Variants in XRCC5 observed in about 807,000 individuals in gnomAD.
XRCC5 encodes DNA repair protein Ku80.
XRCC5 carries 12 observed loss-of-function variants against 95.7 expected under a neutral mutation model. The ratio of observed to expected loss-of-function variants is 0.13; its 90% CI spans 0.08 to 0.20. The LOEUF is 0.20. Among genes scored for constraint, XRCC5 ranks in the 10% least tolerant of loss-of-function variants. The probability of loss-of-function intolerance (pLI) is 1.00; values close to 1 mark genes in which losing one functional copy is unlikely to be tolerated. For synonymous variants in XRCC5, 281 were observed against 290.3 expected (o/e 0.97, Z 0.33); for missense variants, 595 against 873.9 (o/e 0.68, Z 4.02).
At chr2:216,176,184 T>G (rs949887069) in intron 16 of XRCC5, among the ~76,000 whole-genome samples, 1 of 152,248 alleles carries the variant, frequency 6.6e-6, no homozygotes, top group South Asian at 2.1e-4. Context: ...AGTGGTGTGA[T>G]CTTGACTCAC....
At chr2:216,152,125 CT>C (rs914364126) in intron 14 of XRCC5, among the ~76,000 whole-genome samples, 17 of 152,150 alleles carry the variant, frequency 1.1e-4, no homozygotes, top group Non-Finnish European at 1.5e-5. Flanking sequence ...CCCTAAACAC[CT>C]GGGGATTACA....
rs55872933 is a variant in XRCC5, at chr2:216,122,349, ACT to A, written c.683+101_683+102del. 1.3e-4 allele frequency: 151 copies of A among 1,159,088 alleles called. No individual in the cohort carries two copies. In the African/African-American group the frequency reaches 1.7e-3, roughly 13 times the overall value. The allele number at this position is 1,159,088 out of a possible 1,614,324, so 71.8% of individuals were successfully genotyped here. The stretch of plus-strand genomic sequence containing the variant: ...CCCAAATGTTTCCTTTTTCTGGGCC[ACT>A]CTCTAATTAGTCATTGCTTAATATT... On this transcript the variant is annotated intron_variant, in intron 6 of 20. Coordinates refer to ENST00000392132, the MANE Select transcript of XRCC5 (RefSeq NM_021141.4).
intron 12 of XRCC5, 127 bp downstream of exon 12, chr2:216,138,306 A>G (rs1451889605): frequency 3.9e-6 from 3 of 763,576 alleles, no homozygotes; most frequent in Non-Finnish European, 6.5e-6. Flanking sequence ...CCAATCATAC[A>G]CTTAGACACA....
At chr2:216,188,973 G>A (rs975571638) in intron 16 of XRCC5, among the ~76,000 whole-genome samples, 16 of 152,116 alleles carry the variant, frequency 1.1e-4, no homozygotes. Flanking sequence ...CGGTTACTGG[G>A]GATATTTTTC....
chr2:216,158,445 G>A (rs1390554980), intron 14 of XRCC5, among the ~76,000 whole-genome samples: 2 of 152,160 alleles, frequency 1.3e-5, no homozygotes, highest in Non-Finnish European at 2.9e-5. Context: ...GTAGTTTAAT[G>A]TTGTTGGCTT....
At chr2:216,195,131 A>C in intron 19 of XRCC5, 145 bp downstream of exon 19, 1 of 707,996 alleles carries the variant, frequency 1.4e-6, no homozygotes, top group Middle Eastern at 3.6e-4. Flanking sequence ...CAACCACAGC[A>C]TCCCCATGGG....
chr2:216,197,684 A>C (rs1027179052), intron 19 of XRCC5, among the ~76,000 whole-genome samples: 1 of 152,200 alleles, frequency 6.6e-6, no homozygotes, highest in Non-Finnish European at 1.5e-5. Flanking sequence ...GAAGTTAGGA[A>C]ATTCAACATA....
intron 5 of XRCC5, among the ~76,000 whole-genome samples, chr2:216,121,427 T>G (rs751041410): frequency 6.6e-6 from 1 of 152,234 alleles, no homozygotes; most frequent in African/African-American, 2.4e-5. Context: ...ATTTGGTGTC[T>G]GCTGAGAGAT....
intron 19 of XRCC5, 114 bp downstream of exon 19, chr2:216,195,100 T>A (rs1466403523): frequency 1.1e-6 from 1 of 933,670 alleles, no homozygotes; most frequent in Non-Finnish European, 1.7e-6. Flanking sequence ...ACTCATTTTG[T>A]ATTCAATATG....
intron 5 of XRCC5, among the ~76,000 whole-genome samples, 183 bp downstream of exon 5, chr2:216,119,348 C>G (rs1055163313): frequency 6.6e-5 from 10 of 152,142 alleles, no homozygotes; most frequent in African/African-American, 1.2e-4. Context: ...AGGAACTGTT[C>G]TGAGTGGTCG....
At chr2:216,116,552 G>T in intron 2 of XRCC5, 107 bp from the exon 3 acceptor site, 2 of 1,235,080 alleles carry the variant, frequency 1.6e-6, no homozygotes, top group East Asian at 5.0e-5. Context: ...ATGGCCCCAG[G>T]GACCTGCCAT....
At chr2:216,146,039 T>C (rs1688623926) in intron 13 of XRCC5, among the ~76,000 whole-genome samples, 1 of 152,216 alleles carries the variant, frequency 6.6e-6, no homozygotes, top group Non-Finnish European at 1.5e-5. Flanking sequence ...TCACAGAGTT[T>C]GGGATCTTTT....
chr2:216,148,713 T>A (rs1189197885), intron 14 of XRCC5, among the ~76,000 whole-genome samples: 3 of 151,994 alleles, frequency 2.0e-5, no homozygotes, highest in Non-Finnish European at 2.9e-5. Flanking sequence ...GGAACAAGAG[T>A]GAAAAACTAT....
rs1688961314 is a variant in XRCC5, at chr2:216,161,975, T to G, written c.1765-4T>G. On this transcript the variant is annotated splice_region_variant and splice_polypyrimidine_tract_variant and intron_variant, in intron 15 of 20. Coordinates refer to ENST00000392132, the MANE Select transcript of XRCC5 (RefSeq NM_021141.4). The stretch of plus-strand genomic sequence containing the variant: ...TAGGTTTATCATCTGTTGGTATATT[T>G]TAGGTTGGAAGTGTGAATCCTGCTG... The G allele has an allele frequency of 7.4e-6, 12 of 1,613,716 alleles. No individual in the cohort carries two copies. The highest frequency in any genetic ancestry group is 1.0e-5 in the Non-Finnish European group (12 of 1,179,732).
intron 16 of XRCC5, among the ~76,000 whole-genome samples, chr2:216,176,829 G>A (rs1689286873): frequency 6.6e-6 from 1 of 152,064 alleles, no homozygotes; most frequent in Non-Finnish European, 1.5e-5. Context: ...TTCTAATATA[G>A]GCATTTAAAG....
intron 2 of XRCC5, among the ~76,000 whole-genome samples, chr2:216,115,422 T>C (rs1297691888): frequency 1.3e-5 from 2 of 152,226 alleles, no homozygotes; most frequent in African/African-American, 2.4e-5. Context: ...AAGATTACCT[T>C]GCCTTAAGAT....
chr2:216,124,009 A>G (rs768998102), intron 6 of XRCC5, among the ~76,000 whole-genome samples: 3 of 152,254 alleles, frequency 2.0e-5, no homozygotes, highest in Non-Finnish European at 4.4e-5. Context: ...CATTAGCTAC[A>G]TGTGGCTATT....
chr2:216,114,391 G>T lies in XRCC5; in HGVS notation c.135+1262G>T, dbSNP rs1427251191. Among the ~76,000 whole-genome samples the T allele has an allele frequency of 3.3e-5, 5 of 152,202 alleles. No individual in the cohort carries two copies. In the South Asian group the frequency reaches 6.2e-4, roughly 19 times the overall value. Reference sequence around the variant, plus strand: ...CTTGATGACCTGGAGTCCTTGAGGTGTTGTGTCAAGGAAGGTGCTCTAACC... The same window carrying T: ...CTTGATGACCTGGAGTCCTTGAGGTTTTGTGTCAAGGAAGGTGCTCTAACC... On this transcript the variant is annotated intron_variant, in intron 2 of 20. Transcript: ENST00000392132.
rs1697162731 is a variant in XRCC5 at position 216,141,096 on chromosome 2, A to G, written c.1343-90A>G. 7 of 1,508,746 alleles carry G rather than the reference A, an allele frequency of 4.6e-6. No homozygotes were observed. In the South Asian group the frequency reaches 6.1e-5, roughly 13 times the overall value. 93.5% of individuals were successfully genotyped at this position (1,508,746 alleles called of 1,614,324 possible). ...AGGGCCAGGACTGTATAACCTGCCA[A>G]TATTGCCGTGGATATCTCTACGTAG... On this transcript the variant is annotated intron_variant, in intron 12 of 20. Transcript: ENST00000392132.
Sources: gnomAD v4.1 joint callset for allele counts (sites outside exome capture counted in the v4.1 genomes callset) on GRCh38, gnomAD v4.1.1 for gene constraint, MANE v1.5 for transcripts, NCBI Gene and HGNC (gene_info 2026-07-23, HGNC 2026-07-21) for gene names.